LIMS1: variants seen among roughly 807,000 people sequenced by gnomAD.
The protein encoded by LIMS1 is LIM zinc finger domain containing 1, also known as LIM and senescent cell antigen-like-containing domain protein 1.
LIMS1 carries 18 observed loss-of-function variants against 44.1 expected under a neutral mutation model. The ratio of observed to expected loss-of-function variants is 0.41; its 90% CI spans 0.28 to 0.61. The LOEUF is 0.61. Ranked by LOEUF, LIMS1 falls within the 20% of genes least tolerant of loss-of-function variation. LIMS1 has a pLI of 0.32. For synonymous variants in LIMS1, 93 were observed against 149.1 expected (o/e 0.62, Z 2.74); for missense variants, 201 against 422.0 (o/e 0.48, Z 4.59).
At position 108,551,903 on chromosome 2, in the gene LIMS1, ATGTATATGTG is replaced by A. The variant is rs1289596254; in HGVS notation, c.32+17321_32+17330del. Among the ~76,000 whole-genome samples, 24 of 141,796 alleles carry A rather than the reference ATGTATATGTG, an allele frequency of 1.7e-4. No individual in the cohort carries two copies. The Middle Eastern group carries it at 0.011, about 65-fold the overall frequency. The allele number at this position is 141,796 out of a possible 152,430, so 93.0% of individuals were successfully genotyped here. Reference sequence around the variant, plus strand: ...TATATATGTGTATATACATGTATATATGTATATGTGTGTATATGTGTATATATGTGTGTGT... The same window carrying A: ...TATATATGTGTATATACATGTATATATGTATATGTGTATATATGTGTGTGT... On this transcript the variant is annotated intron_variant, in intron 1 of 9. Coordinates refer to ENST00000544547, the Ensembl canonical transcript of LIMS1.
chr2:108,676,082 G>T, intron 6 of LIMS1, 54 bp downstream of exon 6: 1 of 1,537,818 alleles, frequency 6.5e-7, no homozygotes, highest in Non-Finnish European at 8.8e-7. Context: ...CATGATTAAG[G>T]GGTAACCAAT....
At position 108,681,574 on chromosome 2, in the gene LIMS1, TAA is replaced by T. The variant is rs146773070; in HGVS notation, c.899+805_899+806del. 426 of 956,588 alleles carry T rather than the reference TAA, an allele frequency of 4.5e-4. 1 individual carries two copies. The highest frequency in any genetic ancestry group is 6.3e-4 in the African/African-American group (36 of 56,718). The allele number at this position is 956,588 out of a possible 1,614,324, so 59.3% of individuals were successfully genotyped here. On this transcript the variant is annotated intron_variant, in intron 9 of 9. Transcript: ENST00000544547. The stretch of plus-strand genomic sequence containing the variant: ...CCACGATCATTTAATTGATAAATTA[TAA>T]GTGTTGTTTGATATTTTTAAAAATG...
chr2:108,594,998 A>G (rs976495227), intron 1 of LIMS1, among the ~76,000 whole-genome samples: 1 of 152,200 alleles, frequency 6.6e-6, no homozygotes, highest in Non-Finnish European at 1.5e-5. Flanking sequence ...TTCACCTGAG[A>G]TGGAAAGCTC....
intron 5 of LIMS1, chr2:108,673,932 A>T (rs1387216704): frequency 6.6e-6 from 1 of 152,250 alleles, no homozygotes; most frequent in Non-Finnish European, 1.5e-5. Context: ...CTTGGTTTAT[A>T]TCTAAAAGAA....
intron 1 of LIMS1, among the ~76,000 whole-genome samples, chr2:108,545,785 A>G (rs1021912155): frequency 1.3e-5 from 2 of 152,196 alleles, no homozygotes; most frequent in African/African-American, 4.8e-5. Flanking sequence ...AAATGGGAAA[A>G]TGACAGAACT....
chr2:108,586,906 C>T (rs1408481204), intron 1 of LIMS1, among the ~76,000 whole-genome samples: 1 of 152,148 alleles, frequency 6.6e-6, no homozygotes, highest in African/African-American at 2.4e-5. Flanking sequence ...TCACTTCCAG[C>T]TTCCATCTGC....
exon 1 of LIMS1, chr2:108,534,410 C>G (rs375814245): frequency 0.022 from 8,931 of 409,096 alleles, 222 homozygotes; most frequent in South Asian, 0.13. Flanking sequence ...CTTCCCCCCC[C>G]TCCCGCGCCC....
chr2:108,630,487 A>G (rs1688850638), intron 1 of LIMS1, among the ~76,000 whole-genome samples: 1 of 152,218 alleles, frequency 6.6e-6, no homozygotes, highest in African/African-American at 2.4e-5. Flanking sequence ...GTTCAGAGGG[A>G]TTCGTTATAC....
chr2:108,600,615 G>A (rs965584073), intron 1 of LIMS1, among the ~76,000 whole-genome samples: 2 of 152,174 alleles, frequency 1.3e-5, no homozygotes, highest in Non-Finnish European at 2.9e-5. Context: ...AGCACCATTT[G>A]TTGAAGAGAC....
chr2:108,662,991 C>T (rs1226319964), intron 2 of LIMS1, among the ~76,000 whole-genome samples: 3 of 152,230 alleles, frequency 2.0e-5, no homozygotes, highest in Non-Finnish European at 4.4e-5. Flanking sequence ...TTAAATAGGA[C>T]ATTCTTCCCT....
intron 1 of LIMS1, among the ~76,000 whole-genome samples, chr2:108,551,947 GTGTGTGTA>G (rs1376694637): frequency 1.7e-4 from 16 of 95,608 alleles, no homozygotes; most frequent in East Asian, 8.9e-4. Context: ...GTGTGTGTGT[GTGTGTGTA>G]TATATATATA....
rs912203689 is a variant in LIMS1, at chr2:108,534,625, G to C, written c.32+31G>C. On this transcript the variant is annotated intron_variant, in intron 1 of 9. Transcript: ENST00000544547. Reference sequence around the variant, plus strand: ...GGCCGCACCGCGCGGCCCCCGCCACGTCCGCCCCGCAGCTCCCGGCGGGCC... The same window carrying C: ...GGCCGCACCGCGCGGCCCCCGCCACCTCCGCCCCGCAGCTCCCGGCGGGCC... The C allele has an allele frequency of 6.3e-6, 7 of 1,105,148 alleles. No individual in the cohort carries two copies. The South Asian group carries it at 1.7e-4, about 27-fold the overall frequency. 68.5% of individuals were successfully genotyped at this position (1,105,148 alleles called of 1,614,324 possible).
At position 108,577,731 on chromosome 2, in the gene LIMS1, G is replaced by A. The variant is rs1468655013; in HGVS notation, c.32+43137G>A. ...TTTTTAAGAGAGAGAGAAAAAAGGT[G>A]CTTCAGATGTTCTTACAAAGCTGTT... On this transcript the variant is annotated intron_variant, in intron 1 of 9. Coordinates refer to ENST00000544547, the Ensembl canonical transcript of LIMS1. Among the ~76,000 whole-genome samples the A allele has an allele frequency of 2.6e-5, 4 of 152,156 alleles. No individual in the cohort carries two copies. The East Asian group carries it at 7.7e-4, about 29-fold the overall frequency.
chr2:108,673,324 G>C (rs528512257), intron 5 of LIMS1: 100 of 477,250 alleles, frequency 2.1e-4, no homozygotes, highest in African/African-American at 1.5e-3. Flanking sequence ...TTTCTCATGA[G>C]TCCCAGTATG....
intron 1 of LIMS1, among the ~76,000 whole-genome samples, chr2:108,596,915 G>GTTTTTTTTTTT (rs34313967): frequency 1.5e-5 from 1 of 68,444 alleles, no homozygotes; most frequent in Non-Finnish European, 2.7e-5. Context: ...CGAAACATCT[G>GTTTTTTTTTTT]TTTTTTTTTT....
chr2:108,681,394 A>G (rs1413008733), intron 9 of LIMS1: 1 of 981,512 alleles, frequency 1.0e-6, no homozygotes, highest in Non-Finnish European at 1.2e-6. Context: ...CACTCACCTC[A>G]TTTTTTAAAC....
At chr2:108,657,635 A>G (rs1690986121) in intron 1 of LIMS1, among the ~76,000 whole-genome samples, 1 of 152,310 alleles carries the variant, frequency 6.6e-6, no homozygotes, top group Non-Finnish European at 1.5e-5. Flanking sequence ...TTTTTTCCCC[A>G]ACCTACAGTA....
intron 1 of LIMS1, among the ~76,000 whole-genome samples, chr2:108,591,049 G>A (rs189507980): frequency 6.6e-6 from 1 of 152,178 alleles, no homozygotes; most frequent in African/African-American, 2.4e-5. Context: ...TGGTCTTGAG[G>A]GCAGTGTAAA....
intron 1 of LIMS1, among the ~76,000 whole-genome samples, chr2:108,544,262 G>GA (rs1233301499): frequency 1.3e-5 from 2 of 152,152 alleles, no homozygotes; most frequent in African/African-American, 4.8e-5. Context: ...ATGTTGTAGG[G>GA]AAAATTCAAG....
Sources: allele counts gnomAD v4.1 joint callset (sites outside exome capture counted in the v4.1 genomes callset), GRCh38; gene constraint gnomAD v4.1.1; transcripts MANE v1.5; gene names NCBI Gene and HGNC (gene_info 2026-07-23, HGNC 2026-07-21).